The following SBNO1 variants were observed in gnomAD, a reference collection of about 807,000 sequenced individuals.
SBNO1 encodes strawberry notch homolog 1.
In SBNO1, 23 loss-of-function variants were observed where a neutral mutation model predicts 173.6. That is an observed-to-expected ratio of 0.13 (90% CI 0.10 to 0.19). SBNO1 has a LOEUF of 0.19. Among genes scored for constraint, SBNO1 ranks in the 10% least tolerant of loss-of-function variants. The probability of loss-of-function intolerance (pLI) is 1.00; values close to 1 mark genes in which losing one functional copy is unlikely to be tolerated. For synonymous variants in SBNO1, 632 were observed against 571.5 expected (o/e 1.11, Z -1.51); for missense variants, 1,238 against 1,671.2 (o/e 0.74, Z 4.52).
At chr12:123,306,077 C>A (rs879758338) in intron 28 of SBNO1, among the ~76,000 whole-genome samples, 9 of 152,070 alleles carry the variant, frequency 5.9e-5, no homozygotes, top group Non-Finnish European at 1.2e-4. Context: ...ATTAAAGACC[C>A]TTGGTCTCTT....
chr12:123,298,746 T>C (rs1157924486), intron 30 of SBNO1, among the ~76,000 whole-genome samples: 1 of 152,198 alleles, frequency 6.6e-6, no homozygotes, highest in Non-Finnish European at 1.5e-5. Context: ...GTTGAAGCAT[T>C]TTAGTCATTT....
At chr12:123,328,979 G>A in intron 9 of SBNO1, 84 bp from the exon 10 acceptor site, 1 of 800,826 alleles carries the variant, frequency 1.2e-6, no homozygotes, top group Non-Finnish European at 1.9e-6. Context: ...TCACAAGCAG[G>A]AACTCTTGTT....
Position 123,331,226 on chromosome 12 carries a change from G to A in SBNO1, c.1043+16C>T, listed in dbSNP as rs372701753. 1.2e-6 allele frequency: 2 copies of A among 1,612,468 alleles called. No homozygotes were observed. The highest frequency in any genetic ancestry group is 1.7e-6 in the Non-Finnish European group (2 of 1,179,090). On this transcript the variant is annotated intron_variant, in intron 8 of 31. Coordinates refer to ENST00000602398, the MANE Select transcript of SBNO1 (RefSeq NM_001167856.3). ...ATCCGCTGCGCCTGGCCCACAGCCA[G>A]TTTTTAAACACTTACCACAATGCTC... is the stretch of plus-strand genomic sequence containing the variant.
intron 1 of SBNO1, among the ~76,000 whole-genome samples, chr12:123,351,832 C>A (rs1873918214): frequency 6.6e-6 from 1 of 152,070 alleles, no homozygotes; most frequent in Non-Finnish European, 1.5e-5. Context: ...AGCTTAAATA[C>A]AAACTCAGAA....
At chr12:123,330,146 T>C (rs1871049311) in intron 9 of SBNO1, among the ~76,000 whole-genome samples, 1 of 152,230 alleles carries the variant, frequency 6.6e-6, no homozygotes, top group South Asian at 2.1e-4. Flanking sequence ...GAGAATCAAC[T>C]GGTGTGCACT....
intron 28 of SBNO1, among the ~76,000 whole-genome samples, chr12:123,308,804 C>A (rs2048985093): frequency 6.6e-6 from 1 of 151,940 alleles, no homozygotes; most frequent in South Asian, 2.1e-4. Flanking sequence ...TTCACCTCTA[C>A]TAAAAATAAA....
intron 4 of SBNO1, among the ~76,000 whole-genome samples, chr12:123,344,401 C>T (rs538812502): frequency 5.3e-5 from 8 of 152,306 alleles, no homozygotes; most frequent in African/African-American, 1.9e-4. Flanking sequence ...CAAAAAACTA[C>T]AGCCACAAGG....
intron 9 of SBNO1, among the ~76,000 whole-genome samples, chr12:123,329,663 A>G (rs917102703): frequency 6.6e-6 from 1 of 152,150 alleles, no homozygotes; most frequent in East Asian, 1.9e-4. Context: ...TTCAAGACAC[A>G]GTACTTTATA....
intron 1 of SBNO1, chr12:123,363,834 AG>A (rs1236288667): frequency 1.0e-6 from 1 of 983,776 alleles, no homozygotes; most frequent in African/African-American, 1.7e-5. Flanking sequence ...AGCACAAAGC[AG>A]GGGTGGGAAG....
At chr12:123,350,188 A>T in intron 2 of SBNO1, 122 bp downstream of exon 2, 1 of 1,115,008 alleles carries the variant, frequency 9.0e-7, no homozygotes, top group East Asian at 2.4e-5. Context: ...TGGGAGGTTG[A>T]GGCTTCAGTA....
At chr12:123,322,609 C>G (rs895703337) in intron 16 of SBNO1, among the ~76,000 whole-genome samples, 17 of 151,396 alleles carry the variant, frequency 1.1e-4, no homozygotes, top group African/African-American at 3.9e-4. Flanking sequence ...AAGTCAACTT[C>G]TAAAACCAAA....
intron 1 of SBNO1, chr12:123,363,719 G>T: frequency 9.1e-6 from 3 of 328,016 alleles, no homozygotes; most frequent in Non-Finnish European, 8.7e-6. Flanking sequence ...CTCAACCAGC[G>T]ACTCCCCAAA....
In SBNO1 at chr12:123,301,054, CA is replaced by C. The variant is rs1256147556; in HGVS notation, c.3845+1769del. On this transcript the variant is annotated intron_variant, in intron 30 of 31. Coordinates refer to ENST00000602398, the MANE Select transcript of SBNO1 (RefSeq NM_001167856.3). ...AGACCACGTCTTGCTGTCATCCAGACAGGGGTGCAGTGCCACGATCTCAGCT... is the reference window on the plus strand; with the variant it reads ...AGACCACGTCTTGCTGTCATCCAGACGGGGTGCAGTGCCACGATCTCAGCT... 4.6e-5 allele frequency among the ~76,000 whole-genome samples: 7 copies of C among 151,176 alleles called. No homozygotes were observed. The East Asian group carries it at 1.4e-3, about 30-fold the overall frequency.
intron 24 of SBNO1, among the ~76,000 whole-genome samples, chr12:123,312,564 TAGCC>T (rs1868714303): frequency 6.6e-6 from 1 of 151,788 alleles, no homozygotes; most frequent in South Asian, 2.1e-4. Context: ...ACACAAAAAT[TAGCC>T]AGGTATGGTG....
At chr12:123,340,838 G>A (rs1872477945) in intron 5 of SBNO1, 150 bp downstream of exon 5, 16 of 602,024 alleles carry the variant, frequency 2.7e-5, no homozygotes, top group South Asian at 1.8e-4. Flanking sequence ...TTACTCCAGC[G>A]AGGTTTAAGC....
At chr12:123,299,970 A>C (rs2048731692) in intron 30 of SBNO1, among the ~76,000 whole-genome samples, 1 of 152,208 alleles carries the variant, frequency 6.6e-6, no homozygotes, top group Non-Finnish European at 1.5e-5. Context: ...TCTAAATCAC[A>C]TTAGTGGGAA....
intron 3 of SBNO1, among the ~76,000 whole-genome samples, chr12:123,345,872 AG>A (rs531574241): frequency 1.6e-4 from 25 of 152,174 alleles, no homozygotes; most frequent in African/African-American, 5.5e-4. Flanking sequence ...TATGTTGCTC[AG>A]GTTGGTCTCA....
chr12:123,343,386 C>A (rs1049714195), intron 4 of SBNO1, among the ~76,000 whole-genome samples: 3 of 152,072 alleles, frequency 2.0e-5, no homozygotes, highest in Non-Finnish European at 2.9e-5. Flanking sequence ...AGGTTAGAAC[C>A]CAAAGGGGCA....
intron 1 of SBNO1, among the ~76,000 whole-genome samples, chr12:123,354,099 C>T (rs1291867587): frequency 6.6e-6 from 1 of 151,988 alleles, no homozygotes; most frequent in Middle Eastern, 3.2e-3. Flanking sequence ...CATTTAAGTA[C>T]AAAAAAATTT....
Sources: allele counts gnomAD v4.1 joint callset (sites outside exome capture counted in the v4.1 genomes callset), GRCh38; gene constraint gnomAD v4.1.1; transcripts MANE v1.5; gene names NCBI Gene and HGNC (gene_info 2026-07-23, HGNC 2026-07-21).